CDH18: variants seen among roughly 807,000 people sequenced by gnomAD.
The protein encoded by CDH18 is cadherin 18.
CDH18 carries 31 observed loss-of-function variants against 67.9 expected under a neutral mutation model. The observed-to-expected ratio is 0.46, with a 90% CI of 0.34 to 0.62. The LOEUF is 0.62. Among genes scored for constraint, CDH18 ranks in the 20% least tolerant of loss-of-function variants. The probability of loss-of-function intolerance (pLI) is 0.01; values close to 1 mark genes in which losing one functional copy is unlikely to be tolerated. For missense variants in CDH18, 890 were observed against 975.5 expected (o/e 0.91, Z 1.17); for synonymous variants, 362 against 347.2 (o/e 1.04, Z -0.48).
intron 1 of CDH18, among the ~76,000 whole-genome samples, chr5:20,311,558 A>C (rs7727808): frequency 0.039 from 5,929 of 152,100 alleles, 295 homozygotes; most frequent in African/African-American, 0.11. Context: ...GAAAACGAAA[A>C]ACCACATGTT....
intron 11 of CDH18, among the ~76,000 whole-genome samples, chr5:19,490,064 AT>A (rs1201356991): frequency 3.9e-5 from 6 of 152,184 alleles, no homozygotes; most frequent in African/African-American, 1.2e-4. Flanking sequence ...TATAAACAGT[AT>A]TTTTTTAGTA....
intron 1 of CDH18, among the ~76,000 whole-genome samples, chr5:20,519,020 A>G (rs1412829043): frequency 6.6e-6 from 1 of 152,180 alleles, no homozygotes; most frequent in Non-Finnish European, 1.5e-5. Context: ...TAGAAAACAG[A>G]AAAAGCCAAA....
intron 2 of CDH18, among the ~76,000 whole-genome samples, chr5:19,902,265 T>G (rs889514676): frequency 6.6e-6 from 1 of 152,176 alleles, no homozygotes; most frequent in Non-Finnish European, 1.5e-5. Flanking sequence ...CCCTTGAGTG[T>G]GAGTTACATT....
rs148505151 is a variant in CDH18, at chr5:19,530,035, T to C, written c.1391-9257A>G. Among the ~76,000 whole-genome samples, 964 of 152,310 alleles carry C rather than the reference T, an allele frequency of 6.3e-3. 5 individuals are homozygous for C. The highest frequency in any genetic ancestry group is 0.011 in the South Asian group (52 of 4,826). On this transcript the variant is annotated intron_variant, in intron 9 of 12. Coordinates refer to ENST00000382275, the MANE Select transcript of CDH18 (RefSeq NM_004934.5). ...ATGTAGGAGAACTCACACTATCTGATTTTGTGTCATTATAAAACTATAGCA... is the reference window on the plus strand; with the variant it reads ...ATGTAGGAGAACTCACACTATCTGACTTTGTGTCATTATAAAACTATAGCA...
At position 19,512,647 on chromosome 5, in the gene CDH18, A is replaced by G. The variant is rs529095672; in HGVS notation, c.1512+8010T>C. ...GATATTTAGCAAATTTGTTAATGTC[A>G]TTCAAAAATTCTACCTGCGTATAGC... On this transcript the variant is annotated intron_variant, in intron 10 of 12. Transcript: ENST00000382275. Among the ~76,000 whole-genome samples the G allele has an allele frequency of 8.5e-5, 13 of 152,282 alleles. No individual in the cohort carries two copies. In the South Asian group the frequency reaches 1.5e-3, roughly 17 times the overall value.
intron 3 of CDH18, among the ~76,000 whole-genome samples, chr5:19,774,426 T>TTAAAATAAAATAAAA (rs70950101): frequency 0.5 from 69,350 of 139,098 alleles, 17,675 homozygotes; most frequent in Middle Eastern, 0.66. Context: ...TAAAATAAAA[T>TTAAAATAAAATAAAA]TAAAATAAAA....
At chr5:20,112,304 A>G (rs1426175312) in intron 2 of CDH18, among the ~76,000 whole-genome samples, 36 of 152,176 alleles carry the variant, frequency 2.4e-4, no homozygotes, top group Non-Finnish European at 2.9e-5. Context: ...AAAAACAACT[A>G]TTCATGACAG....
At chr5:19,658,861 T>A (rs1236211844) in intron 5 of CDH18, among the ~76,000 whole-genome samples, 1 of 151,956 alleles carries the variant, frequency 6.6e-6, no homozygotes, top group Non-Finnish European at 1.5e-5. Flanking sequence ...GTCCATGTGT[T>A]CTCATTTATT....
intron 5 of CDH18, among the ~76,000 whole-genome samples, chr5:19,697,219 A>G (rs1580925354): frequency 2.0e-5 from 3 of 152,312 alleles, no homozygotes; most frequent in African/African-American, 2.4e-5. Flanking sequence ...ATACATCCCA[A>G]TATTTTGCAA....
intron 2 of CDH18, among the ~76,000 whole-genome samples, chr5:20,189,517 C>T (rs1368986459): frequency 1.3e-5 from 2 of 152,090 alleles, no homozygotes; most frequent in African/African-American, 4.8e-5. Context: ...TATAAATACA[C>T]ACATACAAAC....
chr5:19,595,388 AT>A (rs1230634878), intron 6 of CDH18, among the ~76,000 whole-genome samples: 1 of 152,192 alleles, frequency 6.6e-6, no homozygotes, highest in Non-Finnish European at 1.5e-5. Context: ...TAAAATATTT[AT>A]TTGAACCTGG....
chr5:19,591,234 C>G lies in CDH18; in HGVS notation c.822G>C (p.Gln274His). The stretch of plus-strand genomic sequence containing the variant: ...CTTGAGCTGACTCAGGAACATATAG[C>G]TGATAGTGTTCTGGAAGACATTTCA... Reference protein sequence around the residue: ...NPPRFPQKHYQLYVPESAQVG... With the variant: ...NPPRFPQKHYHLYVPESAQVG... The change falls in exon 7 of 13, where the codon CAG (glutamine) becomes CAC (histidine). Residue 274 changes from glutamine (Q) to histidine (H), a missense_variant. By Grantham distance (24) the Gln-to-His change is conservative. Transcript: ENST00000382275. The G allele has an allele frequency of 6.3e-7, 1 of 1,597,012 alleles. No individual in the cohort carries two copies. Among genetic ancestry groups the G allele is most frequent in the Non-Finnish European group, 8.5e-7 (1 of 1,172,636 alleles).
At chr5:19,671,039 A>G (rs1366909046) in intron 5 of CDH18, among the ~76,000 whole-genome samples, 1 of 152,138 alleles carries the variant, frequency 6.6e-6, no homozygotes, top group African/African-American at 2.4e-5. Context: ...GTATTTGTAT[A>G]TATGTATGTA....
At chr5:20,359,156 C>T (rs1302353309) in intron 1 of CDH18, among the ~76,000 whole-genome samples, 4 of 151,918 alleles carry the variant, frequency 2.6e-5, no homozygotes, top group African/African-American at 4.8e-5. Flanking sequence ...GTCTCAAACT[C>T]GGGACCTCAG....
At chr5:19,931,127 A>C (rs1202004300) in intron 2 of CDH18, among the ~76,000 whole-genome samples, 1 of 151,958 alleles carries the variant, frequency 6.6e-6, no homozygotes, top group Non-Finnish European at 1.5e-5. Flanking sequence ...TTACATCACT[A>C]ATTTTGTCAC....
intron 1 of CDH18, among the ~76,000 whole-genome samples, chr5:20,559,341 CA>C (rs1396208382): frequency 6.6e-6 from 1 of 151,952 alleles, no homozygotes; most frequent in Non-Finnish European, 1.5e-5. Flanking sequence ...CTCATGTAAG[CA>C]GGTAGTATGG....
intron 1 of CDH18, among the ~76,000 whole-genome samples, chr5:20,530,457 T>A (rs960816886): frequency 2.0e-5 from 3 of 151,998 alleles, no homozygotes; most frequent in Non-Finnish European, 2.9e-5. Context: ...AGAACAAAGC[T>A]GGAGGCATCA....
chr5:20,532,096 T>G (rs1381662035), intron 1 of CDH18, among the ~76,000 whole-genome samples: 3 of 152,074 alleles, frequency 2.0e-5, no homozygotes, highest in African/African-American at 7.2e-5. Flanking sequence ...CTTACAAGTT[T>G]AATGGAAAGA....
intron 2 of CDH18, among the ~76,000 whole-genome samples, chr5:20,014,644 T>G (rs1737728085): frequency 6.6e-6 from 1 of 152,160 alleles, no homozygotes; most frequent in African/African-American, 2.4e-5. Context: ...CCAGTCATCT[T>G]CTTAGAAAAT....
Sources: allele counts gnomAD v4.1 joint callset (sites outside exome capture counted in the v4.1 genomes callset), GRCh38; gene constraint gnomAD v4.1.1; transcripts MANE v1.5; gene names NCBI Gene and HGNC (gene_info 2026-07-23, HGNC 2026-07-21).